Variants in DSCAML1 observed in about 807,000 individuals in gnomAD.
DSCAML1 encodes DS cell adhesion molecule like 1.
In DSCAML1, 38 loss-of-function variants were observed where a neutral mutation model predicts 200.5. The ratio of observed to expected loss-of-function variants is 0.19; its 90% CI spans 0.15 to 0.25. DSCAML1 has a LOEUF of 0.25. DSCAML1 is among the 10% of genes least tolerant of loss of function. The pLI, the probability that DSCAML1 is intolerant of heterozygous loss-of-function variation, is 1.00. For missense variants in DSCAML1, 2,223 were observed against 2,858.8 expected (o/e 0.78, Z 5.07); for synonymous variants, 1,215 against 1,165.0 (o/e 1.04, Z -0.87).
At position 117,432,345 on chromosome 11, in the gene DSCAML1, T is replaced by C. The variant is rs1212136703; in HGVS notation, c.5179+7A>G. 1 of 1,611,794 alleles carries C rather than the reference T, an allele frequency of 6.2e-7. No individual in the cohort carries two copies. Among genetic ancestry groups the C allele is most frequent in the East Asian group, 2.2e-5 (1 of 44,860 alleles). ...AAAAGGGCTGTCTCCCTGGGGATAATGCGTACTGGTTCCTGGCCGGATGTC... is the reference window on the plus strand; with the variant it reads ...AAAAGGGCTGTCTCCCTGGGGATAACGCGTACTGGTTCCTGGCCGGATGTC... On this transcript the variant is annotated splice_region_variant and intron_variant, in intron 30 of 32. Coordinates refer to ENST00000651296, the MANE Select transcript of DSCAML1 (RefSeq NM_020693.4).
intron 20 of DSCAML1, among the ~76,000 whole-genome samples, chr11:117,449,057 A>G (rs1370158039): frequency 6.6e-6 from 1 of 152,250 alleles, no homozygotes; most frequent in African/African-American, 2.4e-5. Context: ...ATAACCACAT[A>G]CAACAACGCG....
intron 3 of DSCAML1, among the ~76,000 whole-genome samples, chr11:117,541,462 C>T (rs2050267406): frequency 6.6e-6 from 1 of 152,212 alleles, no homozygotes. Context: ...GGCATCTCCA[C>T]ATGGGGTGAG....
intron 8 of DSCAML1, among the ~76,000 whole-genome samples, chr11:117,509,401 G>C (rs2049574451): frequency 6.6e-6 from 1 of 152,198 alleles, no homozygotes. Context: ...TAAACATGCA[G>C]CTGGGCTGGT....
intron 3 of DSCAML1, among the ~76,000 whole-genome samples, chr11:117,655,364 C>G (rs1373663646): frequency 6.6e-6 from 1 of 152,222 alleles, no homozygotes; most frequent in Non-Finnish European, 1.5e-5. Context: ...TTCCACCTTC[C>G]TTTGCATCAG....
intron 11 of DSCAML1, among the ~76,000 whole-genome samples, chr11:117,499,776 G>A (rs2049361126): frequency 6.6e-6 from 1 of 152,172 alleles, no homozygotes; most frequent in Non-Finnish European, 1.5e-5. Context: ...CTTGGGCCTG[G>A]TTGGTTGCCA....
In DSCAML1 at chr11:117,780,417, G is replaced by A. The variant is rs1333498775; in HGVS notation, c.364+76C>T. 20 of 1,292,238 alleles carry A rather than the reference G, an allele frequency of 1.5e-5. No individual in the cohort carries two copies. Among genetic ancestry groups the A allele is most frequent in the Non-Finnish European group, 2.0e-5 (20 of 986,348 alleles). 80.0% of individuals were successfully genotyped at this position (1,292,238 alleles called of 1,614,324 possible). On this transcript the variant is annotated intron_variant, in intron 2 of 32. Coordinates refer to ENST00000651296, the MANE Select transcript of DSCAML1 (RefSeq NM_020693.4). The surrounding 1 kb of genome is among the most constrained non-coding windows in gnomAD (Gnocchi z 4.8). ...TTCTTGAGTGAACGACTTCTTGCAA[G>A]CCCCTCCGAATATCCTCAGAATGAC...
chr11:117,672,612 G>A (rs1056394709), intron 3 of DSCAML1, among the ~76,000 whole-genome samples: 2 of 152,200 alleles, frequency 1.3e-5, no homozygotes, highest in East Asian at 3.8e-4. Flanking sequence ...CATCCAGGGC[G>A]AGCCTATGAG....
In DSCAML1 at chr11:117,437,454, G is replaced by A; in HGVS notation, c.4433-45C>T. The stretch of plus-strand genomic sequence containing the variant: ...GAGAGAGGTTAGAGAGATTTGGTGG[G>A]AGGCAGGACTGGACTGGGCTGGGCT... On this transcript the variant is annotated intron_variant, in intron 25 of 32. Transcript: ENST00000651296. This position sits in a 1 kb window ranked among gnomAD's most constrained non-coding sequence, Gnocchi z 5.3. The A allele has an allele frequency of 6.3e-7, 1 of 1,588,448 alleles. No homozygotes were observed. The highest frequency in any genetic ancestry group is 8.6e-7 in the Non-Finnish European group (1 of 1,164,958).
chr11:117,641,700 A>G (rs1169685120), intron 3 of DSCAML1, among the ~76,000 whole-genome samples: 1 of 151,628 alleles, frequency 6.6e-6, no homozygotes, highest in Non-Finnish European at 1.5e-5. Flanking sequence ...TCACAACTGC[A>G]CCCCCACCAA....
At chr11:117,753,744 T>C (rs1206552518) in intron 3 of DSCAML1, among the ~76,000 whole-genome samples, 2 of 152,254 alleles carry the variant, frequency 1.3e-5, no homozygotes, top group Non-Finnish European at 2.9e-5. Flanking sequence ...GTATCCAGAC[T>C]GCAGGCCCTT....
intron 18 of DSCAML1, among the ~76,000 whole-genome samples, chr11:117,461,200 C>G (rs951613141): frequency 2.6e-5 from 4 of 152,138 alleles, no homozygotes; most frequent in East Asian, 1.9e-4. Flanking sequence ...TACCACCCCC[C>G]CACCTTGCTC....
At chr11:117,523,908 C>T (rs2049926544) in intron 5 of DSCAML1, among the ~76,000 whole-genome samples, 1 of 152,174 alleles carries the variant, frequency 6.6e-6, no homozygotes, top group African/African-American at 2.4e-5. Context: ...CAAGGGTGTC[C>T]AGATCCCAGC....
At chr11:117,602,261 C>G (rs897036351) in intron 3 of DSCAML1, among the ~76,000 whole-genome samples, 1 of 152,238 alleles carries the variant, frequency 6.6e-6, no homozygotes, top group South Asian at 2.1e-4. Context: ...TGCTCCACGA[C>G]GGGCCCTGGG....
intron 3 of DSCAML1, among the ~76,000 whole-genome samples, chr11:117,732,638 C>T (rs1172186924): frequency 2.0e-5 from 3 of 152,168 alleles, no homozygotes; most frequent in Non-Finnish European, 4.4e-5. Flanking sequence ...AACCCAGCCT[C>T]CGGACAGAAG....
intron 3 of DSCAML1, among the ~76,000 whole-genome samples, chr11:117,564,796 C>T (rs191494600): frequency 7.9e-5 from 12 of 151,276 alleles, no homozygotes; most frequent in African/African-American, 1.9e-4. Context: ...GATGGAGTCT[C>T]GCTCTGTCAC....
At chr11:117,708,432 A>C (rs2053789558) in intron 3 of DSCAML1, among the ~76,000 whole-genome samples, 1 of 152,220 alleles carries the variant, frequency 6.6e-6, no homozygotes, top group African/African-American at 2.4e-5. Flanking sequence ...AAACCAATTA[A>C]ATTGTTTGAC....
intron 3 of DSCAML1, among the ~76,000 whole-genome samples, chr11:117,746,591 G>A (rs907402554): frequency 2.6e-5 from 4 of 152,298 alleles, no homozygotes; most frequent in Middle Eastern, 3.4e-3. Context: ...TCTTTCTGGT[G>A]TACACACCTG....
intron 8 of DSCAML1, among the ~76,000 whole-genome samples, chr11:117,512,182 C>T (rs1460350745): frequency 2.0e-5 from 3 of 152,174 alleles, no homozygotes; most frequent in Non-Finnish European, 2.9e-5. Context: ...CCGCAACTTG[C>T]CCTTTTCTAC....
In DSCAML1 at chr11:117,518,699, G is replaced by A. The variant is rs188550294; in HGVS notation, c.1277C>T (p.Ser426Leu). 447 of 1,613,298 alleles carry A rather than the reference G, an allele frequency of 2.8e-4. 1 individual carries two copies. Among genetic ancestry groups the A allele is most frequent in the Admixed American group, 3.7e-4 (22 of 60,022 alleles). Residue 426 changes from serine (S) to leucine (L), a missense_variant, in exon 7 of 33, where the codon TCA becomes TTA. By Grantham distance (145) the Ser-to-Leu change is moderately radical. Around this residue, in one of 7 missense-constraint regions of DSCAML1, gnomAD observed 579 missense variants for 721.5 expected, o/e 0.80. Transcript: ENST00000651296. The surrounding 1 kb of genome is among the most constrained non-coding windows in gnomAD (Gnocchi z 6.3). ...GGCGCCCTTGGCCGCACACATCAGT[G>A]AGAACTGCTCCCCGGGGTTGACCAC... ...EKVVNPGEQF[S>L]LMCAAKGAPP...
Sources: allele counts gnomAD v4.1 joint callset (sites outside exome capture counted in the v4.1 genomes callset), GRCh38; gene constraint gnomAD v4.1.1; regional missense constraint gnomAD v4.1.1; non-coding constraint Gnocchi (gnomAD v3.1); transcripts MANE v1.5; gene names NCBI Gene and HGNC (gene_info 2026-07-23, HGNC 2026-07-21).